The following SFMBT1 variants were observed in gnomAD, a reference collection of about 807,000 sequenced individuals.
SFMBT1 encodes Scm like with four mbt domains 1, also known as scm-like with four MBT domains protein 1.
SFMBT1 carries 32 observed loss-of-function variants against 108.7 expected under a neutral mutation model. The observed-to-expected ratio is 0.29, with a 90% CI of 0.22 to 0.40. SFMBT1 has a LOEUF of 0.40. Ranked by LOEUF, SFMBT1 falls within the 10% of genes least tolerant of loss-of-function variation. The probability of loss-of-function intolerance (pLI) is 1.00; values close to 1 mark genes in which losing one functional copy is unlikely to be tolerated. For missense variants in SFMBT1, 816 were observed against 1,059.6 expected (o/e 0.77, Z 3.19); for synonymous variants, 348 against 369.5 (o/e 0.94, Z 0.67).
chr3:52,916,356 CTTTT>C (rs71087030), intron 13 of SFMBT1, 142 bp from the exon 14 acceptor site: 3,354 of 343,570 alleles, frequency 9.8e-3, no homozygotes, highest in Middle Eastern at 0.015. Context: ...CTTGATGATA[CTTTT>C]TTTTTTTTTT....
intron 1 of SFMBT1, among the ~76,000 whole-genome samples, chr3:53,025,996 G>A (rs528724988): frequency 3.6e-4 from 55 of 152,338 alleles, no homozygotes; most frequent in Middle Eastern, 3.4e-3. Context: ...CTAATATTGC[G>A]TGCAAATGGA....
chr3:52,978,084 AG>A (rs1460857348), intron 1 of SFMBT1, among the ~76,000 whole-genome samples: 1 of 152,190 alleles, frequency 6.6e-6, no homozygotes, highest in Non-Finnish European at 1.5e-5. Flanking sequence ...TTTTAGTGTA[AG>A]GAAGAAAGTA....
Position 52,935,311 on chromosome 3 carries a change from G to A in SFMBT1, c.365-410C>T, listed in dbSNP as rs565767027. Among the ~76,000 whole-genome samples the A allele has an allele frequency of 4.4e-4, 67 of 152,288 alleles. 1 individual carries two copies. The South Asian group carries it at 0.013, about 30-fold the overall frequency. On this transcript the variant is annotated intron_variant, in intron 4 of 20. Transcript: ENST00000394752. ...AACCAGGATTTACAAGCTACAACTC[G>A]AGGGCTTAATCCAGCCTGCTGTCTG...
At position 52,996,003 on chromosome 3, in the gene SFMBT1, G is replaced by A. The variant is rs910684741; in HGVS notation, c.-130-26745C>T. On this transcript the variant is annotated intron_variant, in intron 1 of 20. Transcript: ENST00000394752. ...GAAGAATCACTTGAACCCGGGAGGC[G>A]GAGGTTGCAGTGAGCCAAGATCACA... Among the ~76,000 whole-genome samples the A allele has an allele frequency of 3.4e-5, 5 of 148,390 alleles. 1 individual carries two copies. The highest frequency in any genetic ancestry group is 6.0e-5 in the Non-Finnish European group (4 of 66,378).
At chr3:52,965,099 CCTCA>C (rs1316297480) in intron 2 of SFMBT1, among the ~76,000 whole-genome samples, 1 of 152,006 alleles carries the variant, frequency 6.6e-6, no homozygotes, top group Non-Finnish European at 1.5e-5. Context: ...AGCCACTAAA[CCTCA>C]GTTAGAAGAG....
chr3:52,977,429 T>C (rs1704555298), intron 1 of SFMBT1, among the ~76,000 whole-genome samples: 1 of 152,056 alleles, frequency 6.6e-6, no homozygotes, highest in Non-Finnish European at 1.5e-5. Context: ...AAGAATCGCT[T>C]GAACCCAGGA....
At chr3:52,931,512 G>A (rs1315450171) in intron 6 of SFMBT1, among the ~76,000 whole-genome samples, 1 of 152,056 alleles carries the variant, frequency 6.6e-6, no homozygotes, top group Non-Finnish European at 1.5e-5. Context: ...ATCAATATGT[G>A]TGGTAAATTA....
At chr3:52,926,435 G>A (rs992808316) in intron 9 of SFMBT1, among the ~76,000 whole-genome samples, 1 of 152,132 alleles carries the variant, frequency 6.6e-6, no homozygotes, top group Non-Finnish European at 1.5e-5. Context: ...AGACAGTTAT[G>A]ACTGGATTTG....
At chr3:53,010,355 G>T (rs1698898853) in intron 1 of SFMBT1, among the ~76,000 whole-genome samples, 1 of 152,194 alleles carries the variant, frequency 6.6e-6, no homozygotes, top group South Asian at 2.1e-4. Flanking sequence ...GACAAAGGGA[G>T]ACAAAGGCAT....
intron 3 of SFMBT1, among the ~76,000 whole-genome samples, chr3:52,950,838 G>A (rs1465959212): frequency 6.6e-6 from 1 of 152,102 alleles, no homozygotes; most frequent in Non-Finnish European, 1.5e-5. Flanking sequence ...TATTAGGCCA[G>A]GCATGGTGGC....
chr3:53,001,490 A>G (rs1303998602), intron 1 of SFMBT1, among the ~76,000 whole-genome samples: 3 of 150,086 alleles, frequency 2.0e-5, no homozygotes, highest in Non-Finnish European at 4.5e-5. Context: ...ATCCCTGAAC[A>G]GAAGAGTTTT....
chr3:53,014,477 AAAACAAAAC>A (rs1699060748), intron 1 of SFMBT1, among the ~76,000 whole-genome samples: 1 of 262 alleles, frequency 3.8e-3, no homozygotes, highest in Admixed American at 0.17. Context: ...GTATTTAAAA[AAAACAAAAC>A]AAAACAAAAC....
At chr3:52,974,142 C>T (rs908435320) in intron 1 of SFMBT1, among the ~76,000 whole-genome samples, 6 of 152,088 alleles carry the variant, frequency 3.9e-5, no homozygotes, top group Non-Finnish European at 5.9e-5. Context: ...CTGATATGTT[C>T]GGTGGCTGGA....
intron 1 of SFMBT1, among the ~76,000 whole-genome samples, chr3:52,977,446 G>A (rs1704555739): frequency 6.6e-6 from 1 of 152,136 alleles, no homozygotes; most frequent in African/African-American, 2.4e-5. Flanking sequence ...AGGAGGCGGA[G>A]GTTGCAGTGA....
intron 1 of SFMBT1, among the ~76,000 whole-genome samples, chr3:52,976,958 T>A (rs1306412492): frequency 1.3e-5 from 2 of 152,212 alleles, no homozygotes; most frequent in African/African-American, 4.8e-5. Context: ...CATTATCAGT[T>A]CAGGAGCACA....
At chr3:53,029,083 G>A (rs556887991) in intron 1 of SFMBT1, among the ~76,000 whole-genome samples, 3 of 148,990 alleles carry the variant, frequency 2.0e-5, no homozygotes, top group South Asian at 2.1e-4. Context: ...TGAGGCAGGA[G>A]AATGGCATGA....
chr3:52,946,973 T>C (rs966667605), intron 3 of SFMBT1, among the ~76,000 whole-genome samples: 1 of 151,960 alleles, frequency 6.6e-6, no homozygotes, highest in African/African-American at 2.4e-5. Flanking sequence ...GGTTTCACCA[T>C]ATTGGCCAGG....
intron 1 of SFMBT1, among the ~76,000 whole-genome samples, chr3:53,041,906 G>A (rs1165779307): frequency 6.6e-6 from 1 of 151,908 alleles, no homozygotes; most frequent in Non-Finnish European, 1.5e-5. Context: ...AAATATCCCA[G>A]TTAGGTAACG....
At chr3:52,921,641 A>T in intron 11 of SFMBT1, 64 bp downstream of exon 11, 1 of 1,561,010 alleles carries the variant, frequency 6.4e-7, no homozygotes, top group Non-Finnish European at 8.7e-7. Flanking sequence ...GCAACATTAC[A>T]GGAGTAAACA....
Sources: allele counts gnomAD v4.1 joint callset (sites outside exome capture counted in the v4.1 genomes callset), GRCh38; gene constraint gnomAD v4.1.1; transcripts MANE v1.5; gene names NCBI Gene and HGNC (gene_info 2026-07-23, HGNC 2026-07-21).